DLG2: variants seen among roughly 807,000 people sequenced by gnomAD.
DLG2 encodes disks large homolog 2.
Under a neutral mutation model 132.5 loss-of-function variants are expected in DLG2, and 45 were observed. That is an observed-to-expected ratio of 0.34 (90% CI 0.27 to 0.44). The LOEUF is 0.44. Ranked by LOEUF, DLG2 falls within the 20% of genes least tolerant of loss-of-function variation. The pLI is 1.00. For missense variants in DLG2, 1,045 were observed against 1,196.9 expected, an observed-to-expected ratio of 0.87 and a Z score of 1.87; for synonymous variants, 424 against 419.6, an observed-to-expected ratio of 1.01 and a Z score of -0.13.
At chr11:84,076,516 A>T (rs7116707) in intron 10 of DLG2, among the ~76,000 whole-genome samples, 70 of 152,364 alleles carry the variant, frequency 4.6e-4, no homozygotes, top group African/African-American at 1.6e-3. Context: ...AACTTACTCA[A>T]ATTCACACAG....
At chr11:85,169,354 G>C (rs764743631) in intron 4 of DLG2, among the ~76,000 whole-genome samples, 2 of 152,002 alleles carry the variant, frequency 1.3e-5, no homozygotes, top group Non-Finnish European at 2.9e-5. Context: ...CCTCTCTGAA[G>C]GTTCCAGTTT....
At chr11:85,213,408 G>C (rs191538648) in intron 4 of DLG2, among the ~76,000 whole-genome samples, 1 of 152,022 alleles carries the variant, frequency 6.6e-6, no homozygotes, top group East Asian at 1.9e-4. Context: ...GAGTGGGGGT[G>C]GGGGTGGAAC....
At chr11:84,689,019 G>A (rs1008291339) in intron 6 of DLG2, among the ~76,000 whole-genome samples, 10 of 152,162 alleles carry the variant, frequency 6.6e-5, no homozygotes, top group African/African-American at 2.4e-4. Flanking sequence ...TAAGCAGACT[G>A]GAGACTATCT....
chr11:84,852,978 G>A (rs1019260766), intron 6 of DLG2, among the ~76,000 whole-genome samples: 1 of 151,900 alleles, frequency 6.6e-6, no homozygotes, highest in Non-Finnish European at 1.5e-5. Context: ...AATTGAAAAA[G>A]GAAGAAAAGC....
At chr11:85,064,264 C>T (rs896007398) in intron 6 of DLG2, among the ~76,000 whole-genome samples, 1 of 151,726 alleles carries the variant, frequency 6.6e-6, no homozygotes, top group Non-Finnish European at 1.5e-5. Context: ...CAAAAATGTT[C>T]TAATAAATTC....
chr11:84,719,824 A>C (rs2061595973), intron 6 of DLG2, among the ~76,000 whole-genome samples: 1 of 152,180 alleles, frequency 6.6e-6, no homozygotes. Flanking sequence ...TTCTGTCTAA[A>C]ATAAAAATAA....
intron 7 of DLG2, among the ~76,000 whole-genome samples, chr11:84,370,231 A>T (rs949739806): frequency 6.6e-6 from 1 of 152,142 alleles, no homozygotes; most frequent in African/African-American, 2.4e-5. Flanking sequence ...CTCTCACCTA[A>T]AAGTGGTATA....
intron 16 of DLG2, among the ~76,000 whole-genome samples, chr11:83,858,392 C>T (rs2060897044): frequency 6.6e-6 from 1 of 152,020 alleles, no homozygotes; most frequent in Non-Finnish European, 1.5e-5. Flanking sequence ...CAAAATAAGT[C>T]AAAAGGCATG....
At chr11:84,478,264 T>C (rs887630440) in intron 7 of DLG2, among the ~76,000 whole-genome samples, 1 of 152,186 alleles carries the variant, frequency 6.6e-6, no homozygotes, top group African/African-American at 2.4e-5. Flanking sequence ...ATGATACTTA[T>C]AATGTGTTTA....
chr11:85,194,441 C>T (rs968556237), intron 4 of DLG2, among the ~76,000 whole-genome samples: 7 of 151,988 alleles, frequency 4.6e-5, no homozygotes, highest in African/African-American at 1.7e-4. Context: ...GGGAGACAGG[C>T]TTCAAAGAAC....
chr11:84,889,696 T>C (rs1016977257), intron 6 of DLG2, among the ~76,000 whole-genome samples: 1 of 152,208 alleles, frequency 6.6e-6, no homozygotes, highest in African/African-American at 2.4e-5. Flanking sequence ...CTTTTTCTTA[T>C]CAGAAAATTA....
At chr11:84,255,182 T>A (rs141041448) in intron 7 of DLG2, among the ~76,000 whole-genome samples, 1 of 152,306 alleles carries the variant, frequency 6.6e-6, no homozygotes, top group African/African-American at 2.4e-5. Flanking sequence ...GATTCTTTGT[T>A]CACTTTTACA....
At chr11:85,477,518 G>C (rs986911527) in intron 3 of DLG2, among the ~76,000 whole-genome samples, 1 of 152,204 alleles carries the variant, frequency 6.6e-6, no homozygotes, top group Non-Finnish European at 1.5e-5. Context: ...AGTGGTAACA[G>C]TTATTCTACA....
rs576868802 is a variant in DLG2, at chr11:84,980,833, T to C, written c.357+130828A>G. Among the ~76,000 whole-genome samples, 5 of 152,330 alleles carry C rather than the reference T, an allele frequency of 3.3e-5. No homozygotes were observed. In the South Asian group the frequency reaches 1.0e-3, roughly 32 times the overall value. ...TTTTATTCTAGTTATTTGCATATAATGCCTTGAAGTGCTCATGTCACTTGG... is the reference window on the plus strand; with the variant it reads ...TTTTATTCTAGTTATTTGCATATAACGCCTTGAAGTGCTCATGTCACTTGG... On this transcript the variant is annotated intron_variant, in intron 6 of 27. Coordinates refer to ENST00000376104, the MANE Select transcript of DLG2 (RefSeq NM_001142699.3).
chr11:84,928,639 C>A (rs1489524813), intron 6 of DLG2, among the ~76,000 whole-genome samples: 1 of 151,816 alleles, frequency 6.6e-6, no homozygotes, highest in Admixed American at 6.6e-5. Context: ...TATTTCCAGT[C>A]AGCCATAAAG....
chr11:84,289,218 A>G (rs1248140361), intron 7 of DLG2, among the ~76,000 whole-genome samples: 1 of 152,158 alleles, frequency 6.6e-6, no homozygotes, highest in Non-Finnish European at 1.5e-5. Flanking sequence ...ATGTAACAAA[A>G]GAATTTCTCT....
At chr11:85,518,075 C>T (rs189887120) in intron 3 of DLG2, among the ~76,000 whole-genome samples, 119 of 152,232 alleles carry the variant, frequency 7.8e-4, no homozygotes, top group African/African-American at 2.8e-3. Context: ...GTAAATTACC[C>T]AATCTCAGGT....
intron 16 of DLG2, among the ~76,000 whole-genome samples, chr11:83,853,481 G>T (rs1595472083): frequency 6.6e-6 from 1 of 152,250 alleles, no homozygotes; most frequent in African/African-American, 2.4e-5. Context: ...AAAGCAGATG[G>T]TTTCTGCTCC....
At chr11:84,041,598 C>T (rs1034188444) in intron 11 of DLG2, among the ~76,000 whole-genome samples, 1 of 151,954 alleles carries the variant, frequency 6.6e-6, no homozygotes, top group Admixed American at 6.6e-5. Context: ...ATTTTCTCCA[C>T]TCTATGTCTT....
Sources: gnomAD v4.1 joint callset for allele counts (sites outside exome capture counted in the v4.1 genomes callset) on GRCh38, gnomAD v4.1.1 for gene constraint, MANE v1.5 for transcripts, NCBI Gene and HGNC (gene_info 2026-07-23, HGNC 2026-07-21) for gene names.